The following MAN1A1 variants were observed in gnomAD, a reference collection of about 807,000 sequenced individuals.
The protein encoded by MAN1A1 is mannosidase alpha class 1A member 1, also known as mannosyl-oligosaccharide 1,2-alpha-mannosidase IA.
Under a neutral mutation model 70.8 loss-of-function variants are expected in MAN1A1, and 29 were observed. The ratio of observed to expected loss-of-function variants is 0.41; its 90% CI spans 0.31 to 0.56. MAN1A1 has a LOEUF of 0.56. Among genes scored for constraint, MAN1A1 ranks in the 20% least tolerant of loss-of-function variants. MAN1A1 has a pLI of 0.29. For synonymous variants in MAN1A1, 349 were observed against 330.1 expected (o/e 1.06, Z -0.62); for missense variants, 747 against 841.3 (o/e 0.89, Z 1.39).
intron 4 of MAN1A1, among the ~76,000 whole-genome samples, chr6:119,298,622 A>C (rs1253284829): frequency 7.0e-6 from 1 of 143,512 alleles, no homozygotes; most frequent in Non-Finnish European, 1.5e-5. Context: ...TTTGAGTCTG[A>C]GTCTCACTCT....
intron 5 of MAN1A1, among the ~76,000 whole-genome samples, chr6:119,285,714 C>G (rs1262211957): frequency 6.6e-6 from 1 of 151,396 alleles, no homozygotes; most frequent in African/African-American, 2.4e-5. Flanking sequence ...TATAAGAAAG[C>G]AGGATAAATG....
At chr6:119,275,786 C>CA in intron 5 of MAN1A1, among the ~76,000 whole-genome samples, 1 of 152,254 alleles carries the variant, frequency 6.6e-6, no homozygotes, top group East Asian at 1.9e-4. Context: ...AACTGATAAG[C>CA]AAGTAAACAG....
In MAN1A1 at chr6:119,277,693, T is replaced by C. The variant is rs1005154049; in HGVS notation, c.897+12990A>G. Among the ~76,000 whole-genome samples the C allele has an allele frequency of 4.6e-5, 7 of 151,728 alleles. No individual in the cohort carries two copies. In the South Asian group the frequency reaches 1.5e-3, roughly 32 times the overall value. On this transcript the variant is annotated intron_variant, in intron 5 of 12. Coordinates refer to ENST00000368468, the MANE Select transcript of MAN1A1 (RefSeq NM_005907.4). ...AAAAGTAGCCTGTAATCCCGGCACT[T>C]TGGGAGGCCGAGGTGGGTGAATCAC...
intron 6 of MAN1A1, among the ~76,000 whole-genome samples, chr6:119,247,007 G>T (rs371859649): frequency 6.6e-6 from 1 of 152,050 alleles, no homozygotes; most frequent in African/African-American, 2.4e-5. Flanking sequence ...CACACCTATA[G>T]ATAGGTACAG....
intron 5 of MAN1A1, among the ~76,000 whole-genome samples, chr6:119,285,444 T>C (rs928531893): frequency 6.6e-6 from 1 of 152,154 alleles, no homozygotes; most frequent in Non-Finnish European, 1.5e-5. Flanking sequence ...ATATGAGATT[T>C]GGAGGGGACA....
At chr6:119,239,041 C>T (rs138621202) in intron 6 of MAN1A1, among the ~76,000 whole-genome samples, 6,965 of 152,134 alleles carry the variant, frequency 0.046, 187 homozygotes, top group Middle Eastern at 0.078. Context: ...CAGGTACCTG[C>T]CACCGCGCCT....
At chr6:119,322,950 T>C (rs1201801685) in intron 2 of MAN1A1, among the ~76,000 whole-genome samples, 1 of 152,204 alleles carries the variant, frequency 6.6e-6, no homozygotes, top group Non-Finnish European at 1.5e-5. Context: ...CGTTCTCTGT[T>C]CTAATACCCT....
chr6:119,289,472 A>C (rs1293105335), intron 5 of MAN1A1, among the ~76,000 whole-genome samples: 1 of 145,016 alleles, frequency 6.9e-6, no homozygotes, highest in African/African-American at 2.8e-5. Context: ...TTTTGGCTTA[A>C]TCCTTAGTAT....
At chr6:119,239,296 G>A (rs1002395517) in intron 6 of MAN1A1, among the ~76,000 whole-genome samples, 17 of 152,130 alleles carry the variant, frequency 1.1e-4, no homozygotes, top group Admixed American at 2.0e-4. Flanking sequence ...GTACTTACGC[G>A]CAGCTGCACA....
At chr6:119,329,655 G>A (rs1355910250) in intron 2 of MAN1A1, among the ~76,000 whole-genome samples, 2 of 152,208 alleles carry the variant, frequency 1.3e-5, no homozygotes, top group Non-Finnish European at 2.9e-5. Flanking sequence ...GAGGGGGCCA[G>A]CTGCCGGCTC....
In MAN1A1 at chr6:119,306,978, AG is replaced by A; in HGVS notation, c.617del (p.Ala206ValfsTer12). On this transcript the variant is annotated frameshift_variant, in exon 3 of 13. Coordinates refer to ENST00000368468, the MANE Select transcript of MAN1A1 (RefSeq NM_005907.4). LOFTEE classifies it high-confidence loss of function. ...AGGCATAACCTTTATAATTATTCCA[AG>A]CATGTTTCATCATCTGAAAAAAAAA... ...RAKIKEMMKH[A>X]WNNYKGYAWG... The A allele has an allele frequency of 6.3e-7, 1 of 1,582,164 alleles. No individual in the cohort carries two copies. The highest frequency in any genetic ancestry group is 8.7e-7 in the Non-Finnish European group (1 of 1,152,488).
intron 3 of MAN1A1, among the ~76,000 whole-genome samples, chr6:119,302,664 G>A (rs1022105231): frequency 2.0e-5 from 3 of 152,122 alleles, no homozygotes; most frequent in Admixed American, 6.5e-5. Flanking sequence ...ACAGGTGTGA[G>A]CCACCATACC....
At chr6:119,307,234 C>G (rs1219298957) in intron 2 of MAN1A1, among the ~76,000 whole-genome samples, 1 of 152,128 alleles carries the variant, frequency 6.6e-6, no homozygotes, top group Non-Finnish European at 1.5e-5. Context: ...TCCATTTAAT[C>G]CTATTTAATG....
In MAN1A1 at chr6:119,233,287, C is replaced by T. The variant is rs556149072; in HGVS notation, c.992+14973G>A. On this transcript the variant is annotated intron_variant, in intron 6 of 12. Coordinates refer to ENST00000368468, the MANE Select transcript of MAN1A1 (RefSeq NM_005907.4). Reference sequence around the variant, plus strand: ...AAAACCTCTTTATCTAATCAATAACCTCTCTGGGCACATGAACACAGTTTG... The same window carrying T: ...AAAACCTCTTTATCTAATCAATAACTTCTCTGGGCACATGAACACAGTTTG... 4.9e-4 allele frequency among the ~76,000 whole-genome samples: 74 copies of T among 152,266 alleles called. 1 individual carries two copies. The South Asian group carries it at 0.015, about 31-fold the overall frequency.
chr6:119,193,211 C>G lies in MAN1A1; in HGVS notation c.1326+566G>C, dbSNP rs1443677845. On this transcript the variant is annotated intron_variant, in intron 9 of 12. Transcript: ENST00000368468. The stretch of plus-strand genomic sequence containing the variant: ...CCACCGCTTCATTTAAAGGAGCTAC[C>G]TAACACACAGCTTAGCACATGGTAG... Among the ~76,000 whole-genome samples, 4 of 151,562 alleles carry G rather than the reference C, an allele frequency of 2.6e-5. No individual in the cohort carries two copies. The South Asian group carries it at 6.2e-4, about 24-fold the overall frequency.
chr6:119,327,489 A>T (rs1773187696), intron 2 of MAN1A1: 1 of 146,320 alleles, frequency 6.8e-6, no homozygotes, highest in Non-Finnish European at 1.5e-5. Flanking sequence ...TCGTGGGTTC[A>T]GGCGATTCTC....
chr6:119,184,943 CAGCGGTGTGATCTT>C (rs1313690401), intron 11 of MAN1A1, among the ~76,000 whole-genome samples: 1 of 152,014 alleles, frequency 6.6e-6, no homozygotes, highest in Non-Finnish European at 1.5e-5. Context: ...GGCTGGCGTG[CAGCGGTGTGATCTT>C]AGCTCAAAAT....
rs1232518857 is a variant in MAN1A1, at chr6:119,177,829, T to C, written c.*1990A>G. ...TGTACACACAACCTGATTTTAATAT[T>C]CTATCTGCTGCAGAAATACTTATCA... On this transcript the variant is annotated 3_prime_UTR_variant, in exon 13 of 13. Transcript: ENST00000368468. The C allele has an allele frequency of 6.6e-6, 1 of 152,078 alleles. No homozygotes were observed. The highest frequency in any genetic ancestry group is 1.5e-5 in the Non-Finnish European group (1 of 67,940). The allele number at this position is 152,078 out of a possible 1,614,324, so 9.4% of individuals were successfully genotyped here. A position where few individuals can be genotyped will look rare whatever the true frequency, so the allele number is the denominator to read the frequency against.
Position 119,189,714 on chromosome 6 carries a change from T to G in MAN1A1, c.1496A>C (p.Glu499Ala), listed in dbSNP as rs1364910841. The G allele has an allele frequency of 1.2e-6, 2 of 1,614,072 alleles. No individual in the cohort carries two copies. The highest frequency in any genetic ancestry group is 1.1e-5 in the South Asian group (1 of 91,070). ...APEGMAQHYL[E>A]LGAEIARTCH... ...AGTACGGGCAATTTCAGCCCCGAGTTCAAGGTAGTGTTGGGCCATGCCTTC... is the reference window on the plus strand; with the variant it reads ...AGTACGGGCAATTTCAGCCCCGAGTGCAAGGTAGTGTTGGGCCATGCCTTC... Residue 499 changes from glutamate to alanine, a missense_variant, in exon 10 of 13, where the codon GAA (glutamate) becomes GCA (alanine). Glu to Ala is a moderately radical substitution (Grantham distance 107). This residue lies in a region of MAN1A1 where 419 missense variants were observed against 548.2 expected (regional missense o/e 0.76). Transcript: ENST00000368468.
Sources: allele counts gnomAD v4.1 joint callset (sites outside exome capture counted in the v4.1 genomes callset), GRCh38; gene constraint gnomAD v4.1.1; regional missense constraint gnomAD v4.1.1; transcripts MANE v1.5; gene names NCBI Gene and HGNC (gene_info 2026-07-23, HGNC 2026-07-21).